DYM: variants seen among roughly 807,000 people sequenced by gnomAD.
DYM encodes the protein dymeclin.
Under a neutral mutation model 93.1 loss-of-function variants are expected in DYM, and 78 were observed. The ratio of observed to expected loss-of-function variants is 0.84; its 90% CI spans 0.70 to 1.01. DYM has a LOEUF of 1.01. Ranked by LOEUF, DYM falls within the 50% of genes least tolerant of loss-of-function variation. The pLI is 0.00. For missense variants in DYM, 789 were observed against 845.0 expected, an observed-to-expected ratio of 0.93 and a Z score of 0.82; for synonymous variants, 321 against 319.7, an observed-to-expected ratio of 1.00 and a Z score of -0.04.
intron 5 of DYM, among the ~76,000 whole-genome samples, chr18:49,369,779 G>A (rs1443179466): frequency 6.6e-6 from 1 of 152,164 alleles, no homozygotes; most frequent in Non-Finnish European, 1.5e-5. Context: ...TTTGTGCCAT[G>A]GAAGTGCCAT....
At chr18:49,203,389 A>G (rs1194068853) in intron 14 of DYM, among the ~76,000 whole-genome samples, 1 of 139,190 alleles carries the variant, frequency 7.2e-6, no homozygotes, top group Non-Finnish European at 1.6e-5. Context: ...CAGGATGACA[A>G]TGGCGGCTTT....
At chr18:49,073,266 A>C (rs1257739358) in intron 17 of DYM, among the ~76,000 whole-genome samples, 2 of 152,248 alleles carry the variant, frequency 1.3e-5, no homozygotes, top group African/African-American at 2.4e-5. Context: ...ATAACTCTAT[A>C]TGTGCTATAT....
At chr18:49,087,689 G>A (rs2078670608) in intron 17 of DYM, among the ~76,000 whole-genome samples, 3 of 152,138 alleles carry the variant, frequency 2.0e-5, no homozygotes, top group African/African-American at 4.8e-5. Flanking sequence ...TTGAGGAATC[G>A]CCACACTGAC....
chr18:49,074,903 T>G (rs2077177773), intron 17 of DYM, among the ~76,000 whole-genome samples: 1 of 152,064 alleles, frequency 6.6e-6, no homozygotes, highest in Non-Finnish European at 1.5e-5. Context: ...TGGGTAGGAG[T>G]TGCACAGAAG....
intron 17 of DYM, among the ~76,000 whole-genome samples, chr18:49,092,211 GA>G (rs2079111452): frequency 6.6e-6 from 1 of 152,194 alleles, no homozygotes; most frequent in Non-Finnish European, 1.5e-5. Context: ...TAATACAGCA[GA>G]GAGAAATAGG....
At chr18:49,214,525 T>C (rs2092938455) in intron 13 of DYM, among the ~76,000 whole-genome samples, 1 of 146,790 alleles carries the variant, frequency 6.8e-6, no homozygotes, top group Non-Finnish European at 1.5e-5. Context: ...TCACAGAATA[T>C]ACATTTAAAT....
rs538237867 is a variant in DYM at position 49,425,667 on chromosome 18, C to G, written c.140+4588G>C. 1.2e-4 allele frequency among the ~76,000 whole-genome samples: 19 copies of G among 152,156 alleles called. No homozygotes were observed. The South Asian group carries it at 2.7e-3, about 22-fold the overall frequency. On this transcript the variant is annotated intron_variant, in intron 2 of 17. Coordinates refer to ENST00000675505, the MANE Select transcript of DYM (RefSeq NM_001353214.3). Reference sequence around the variant, plus strand: ...CCATCTGACAAAGGGCTAATATCCACAATCTACAAAGAACTTAAACAAATT... The same window carrying G: ...CCATCTGACAAAGGGCTAATATCCAGAATCTACAAAGAACTTAAACAAATT...
intron 13 of DYM, among the ~76,000 whole-genome samples, chr18:49,231,092 T>G (rs1449249426): frequency 2.0e-5 from 3 of 152,220 alleles, no homozygotes; most frequent in Non-Finnish European, 4.4e-5. Flanking sequence ...TACACTGCCT[T>G]TTGAGAAGTT....
At chr18:49,362,117 C>A (rs1480658757) in intron 6 of DYM, among the ~76,000 whole-genome samples, 11 of 151,620 alleles carry the variant, frequency 7.3e-5, no homozygotes, top group Admixed American at 7.2e-4. Flanking sequence ...ACACCTGCCT[C>A]AGGCTCCCAA....
At chr18:49,345,915 C>G (rs1178797288) in intron 6 of DYM, among the ~76,000 whole-genome samples, 1 of 152,128 alleles carries the variant, frequency 6.6e-6, no homozygotes, top group Non-Finnish European at 1.5e-5. Flanking sequence ...CAATGTCCAT[C>G]AATAAGGGCA....
chr18:49,331,865 T>C lies in DYM; in HGVS notation c.762A>G (p.Ala254=). The C allele has an allele frequency of 6.2e-7, 1 of 1,614,086 alleles. No homozygotes were observed. Among genetic ancestry groups the C allele is most frequent in the South Asian group, 1.1e-5 (1 of 91,078 alleles). The change falls in exon 8 of 18, where the codon GCA becomes GCG. Residue 254 remains alanine (A), a splice_region_variant and synonymous_variant. Transcript: ENST00000675505. ...TTGAAAAAATCTGATAAAACTTACT[T>C]GCTACTCCTGATGCAAGTCCATAAA... is the stretch of plus-strand genomic sequence containing the variant. ...GLLYGLASGV[A]TGLWTVFTLG...
chr18:49,454,066 C>A lies in DYM; in HGVS notation c.-54+6332G>T, dbSNP rs72642470. On this transcript the variant is annotated intron_variant, in intron 1 of 17. Coordinates refer to ENST00000675505, the MANE Select transcript of DYM (RefSeq NM_001353214.3). The stretch of plus-strand genomic sequence containing the variant: ...AAATGATGCTGCAGACAGAACCACA[C>A]ACGGACATGCCTTTCTTCCAAGGAC... Among the ~76,000 whole-genome samples, 541 of 152,298 alleles carry A rather than the reference C, an allele frequency of 3.6e-3. 26 individuals are homozygous for A. The East Asian group carries it at 0.087, about 25-fold the overall frequency.
chr18:49,313,818 T>A (rs913392185), intron 8 of DYM, among the ~76,000 whole-genome samples: 2 of 151,988 alleles, frequency 1.3e-5, no homozygotes, highest in African/African-American at 2.4e-5. Context: ...GAAGAGACAA[T>A]GATGAGGAAA....
intron 4 of DYM, among the ~76,000 whole-genome samples, chr18:49,379,240 T>A (rs1228206339): frequency 3.9e-5 from 6 of 152,064 alleles, no homozygotes; most frequent in African/African-American, 9.7e-5. Flanking sequence ...AACATGGTTT[T>A]GAAAAATGCT....
chr18:49,292,312 A>ACAGGCAGG (rs60150235), intron 8 of DYM, among the ~76,000 whole-genome samples: 3 of 110,998 alleles, frequency 2.7e-5, no homozygotes, highest in East Asian at 2.7e-4. Context: ...AGACAGACAG[A>ACAGGCAGG]CAGGCAGGCA....
intron 17 of DYM, among the ~76,000 whole-genome samples, chr18:49,057,846 T>C (rs528126023): frequency 6.6e-6 from 1 of 152,380 alleles, no homozygotes; most frequent in Non-Finnish European, 1.5e-5. Context: ...CTGACACTAA[T>C]AAACTTGGAC....
intron 10 of DYM, among the ~76,000 whole-genome samples, chr18:49,276,587 A>G (rs2094852183): frequency 6.6e-6 from 1 of 152,176 alleles, no homozygotes. Flanking sequence ...AAGTTAGGAG[A>G]TAGGTCAGAT....
chr18:49,300,931 T>C (rs944872009), intron 8 of DYM, among the ~76,000 whole-genome samples: 11 of 152,230 alleles, frequency 7.2e-5, no homozygotes, highest in African/African-American at 2.6e-4. Flanking sequence ...CAAACTCTTA[T>C]TTTGATTTTA....
At chr18:49,271,505 A>G (rs1041116182) in intron 11 of DYM, among the ~76,000 whole-genome samples, 1 of 152,152 alleles carries the variant, frequency 6.6e-6, no homozygotes, top group African/African-American at 2.4e-5. Flanking sequence ...TGAAAAATCA[A>G]GAAATCACAA....
Sources: gnomAD v4.1 joint callset for allele counts (sites outside exome capture counted in the v4.1 genomes callset) on GRCh38, gnomAD v4.1.1 for gene constraint, MANE v1.5 for transcripts, NCBI Gene and HGNC (gene_info 2026-07-23, HGNC 2026-07-21) for gene names.